The following UBASH3B variants were observed in gnomAD, a reference collection of about 807,000 sequenced individuals.
UBASH3B encodes the protein ubiquitin associated and SH3 domain containing B.
UBASH3B carries 37 observed loss-of-function variants against 83.4 expected under a neutral mutation model. That is an observed-to-expected ratio of 0.44 (90% confidence interval 0.34 to 0.58). The LOEUF (loss-of-function observed/expected upper bound fraction) is 0.58. UBASH3B is among the 20% of genes least tolerant of loss of function. The pLI is 0.01. For synonymous variants in UBASH3B, 304 were observed against 318.3 expected (o/e 0.96, Z 0.48); for missense variants, 657 against 827.2 (o/e 0.79, Z 2.52).
chr11:122,796,842 G>A (rs1271876472), intron 8 of UBASH3B, 69 bp from the exon 9 acceptor site: 1 of 1,608,990 alleles, frequency 6.2e-7, no homozygotes, highest in African/African-American at 1.3e-5. Flanking sequence ...GAGAGTGTCA[G>A]GATCAGTAAG....
chr11:122,749,759 G>A (rs1861172416), intron 1 of UBASH3B, among the ~76,000 whole-genome samples: 1 of 152,172 alleles, frequency 6.6e-6, no homozygotes, highest in African/African-American at 2.4e-5. Context: ...TTAAGACAGA[G>A]TCTCGCTCTG....
intron 1 of UBASH3B, among the ~76,000 whole-genome samples, chr11:122,704,246 T>C (rs955049): frequency 0.85 from 129,266 of 152,184 alleles, 55,148 homozygotes; most frequent in East Asian, 0.95. Context: ...TCACAGTCTC[T>C]TGAGTCTTCC....
chr11:122,710,633 A>G (rs980719349), intron 1 of UBASH3B, among the ~76,000 whole-genome samples: 1 of 152,178 alleles, frequency 6.6e-6, no homozygotes, highest in African/African-American at 2.4e-5. Flanking sequence ...TAATGCCGAT[A>G]TAGCCAAAAA....
intron 6 of UBASH3B, 43 bp from the exon 7 acceptor site, chr11:122,794,659 T>G (rs1341035682): frequency 6.2e-7 from 1 of 1,612,912 alleles, no homozygotes; most frequent in South Asian, 1.1e-5. Flanking sequence ...TGCTGATGAC[T>G]GCTGGCCAGA....
At chr11:122,794,018 G>A (rs1213988908) in intron 6 of UBASH3B, among the ~76,000 whole-genome samples, 1 of 152,148 alleles carries the variant, frequency 6.6e-6, no homozygotes, top group Non-Finnish European at 1.5e-5. Flanking sequence ...AACAGGGATC[G>A]TAGATTTCTT....
At chr11:122,704,516 C>CT (rs1000929827) in intron 1 of UBASH3B, among the ~76,000 whole-genome samples, 103 of 146,392 alleles carry the variant, frequency 7.0e-4, no homozygotes, top group Middle Eastern at 3.5e-3. Flanking sequence ...CTCTGGAAAT[C>CT]TTTTTTTTTT....
chr11:122,681,358 C>T (rs1361716747), intron 1 of UBASH3B, among the ~76,000 whole-genome samples: 1 of 152,186 alleles, frequency 6.6e-6, no homozygotes, highest in Non-Finnish European at 1.5e-5. Flanking sequence ...CCAGATTCCT[C>T]AGTCAAACAG....
At chr11:122,727,157 C>T (rs2135949409) in intron 1 of UBASH3B, among the ~76,000 whole-genome samples, 2 of 152,330 alleles carry the variant, frequency 1.3e-5, no homozygotes, top group Admixed American at 1.3e-4. Context: ...AAGCCGCGTC[C>T]TGCCGGGGAC....
intron 1 of UBASH3B, among the ~76,000 whole-genome samples, chr11:122,661,871 A>C (rs1863445187): frequency 6.7e-6 from 1 of 150,048 alleles, no homozygotes. Context: ...AAAAAAAAAA[A>C]AACAAAAAAA....
At chr11:122,709,949 G>A (rs962745873) in intron 1 of UBASH3B, among the ~76,000 whole-genome samples, 2 of 152,088 alleles carry the variant, frequency 1.3e-5, no homozygotes, top group African/African-American at 4.8e-5. Flanking sequence ...TTGAGGCCAG[G>A]AGTTCGAGAC....
At chr11:122,670,904 A>G (rs1591761979) in intron 1 of UBASH3B, among the ~76,000 whole-genome samples, 1 of 152,014 alleles carries the variant, frequency 6.6e-6, no homozygotes, top group African/African-American at 2.4e-5. Flanking sequence ...CTGAGATTAC[A>G]GACGTGCTCC....
intron 7 of UBASH3B, 109 bp downstream of exon 7, chr11:122,794,943 T>C: frequency 6.7e-7 from 1 of 1,491,888 alleles, no homozygotes; most frequent in Non-Finnish European, 9.1e-7. Flanking sequence ...TTCCACGATC[T>C]CTTGGGAAGA....
intron 1 of UBASH3B, chr11:122,775,949 C>G (rs1860725744): frequency 1.1e-5 from 4 of 377,560 alleles, no homozygotes; most frequent in Non-Finnish European, 1.4e-5. Flanking sequence ...AAATAAAACT[C>G]TAATGTGGAA....
intron 1 of UBASH3B, among the ~76,000 whole-genome samples, chr11:122,664,060 G>A (rs1055262096): frequency 5.3e-5 from 8 of 152,140 alleles, no homozygotes; most frequent in Non-Finnish European, 1.2e-4. Flanking sequence ...CCACTTTTAT[G>A]GTTCTCTGTT....
At chr11:122,753,172 T>C (rs948976749) in intron 1 of UBASH3B, among the ~76,000 whole-genome samples, 13 of 150,144 alleles carry the variant, frequency 8.7e-5, no homozygotes, top group African/African-American at 2.7e-4. Context: ...GGCCAGGTGC[T>C]GTGGCTCGCG....
At chr11:122,800,721 G>A (rs1228629127) in intron 10 of UBASH3B, among the ~76,000 whole-genome samples, 1 of 151,638 alleles carries the variant, frequency 6.6e-6, no homozygotes, top group East Asian at 2.0e-4. Context: ...TGATTCTCCT[G>A]CCTCAGCCTC....
chr11:122,714,148 AAGAC>A (rs1864235576), intron 1 of UBASH3B, among the ~76,000 whole-genome samples: 1 of 152,204 alleles, frequency 6.6e-6, no homozygotes, highest in Non-Finnish European at 1.5e-5. Context: ...AGGAAGCTGA[AAGAC>A]AGAACATCTG....
intron 1 of UBASH3B, among the ~76,000 whole-genome samples, chr11:122,699,927 C>T (rs910614947): frequency 1.3e-5 from 2 of 152,056 alleles, no homozygotes; most frequent in Admixed American, 6.6e-5. Flanking sequence ...TTAAGGTTTA[C>T]GTAAATATTA....
In UBASH3B at chr11:122,779,694, C is replaced by T. The variant is rs149002781; in HGVS notation, c.600C>T (p.Thr200=). 2.0e-4 allele frequency: 326 copies of T among 1,614,152 alleles called. 1 individual carries two copies. In the African/African-American group the frequency reaches 3.4e-3, roughly 17 times the overall value. The change falls in exon 4 of 14, where the codon ACC becomes ACT. Residue 200 remains threonine, a splice_region_variant and synonymous_variant. Coordinates refer to ENST00000284273, the MANE Select transcript of UBASH3B (RefSeq NM_032873.5). The stretch of plus-strand genomic sequence containing the variant: ...TTGCTGCAGAGGCTGCATCCAAAAC[C>T]GGTGAGCAAACAGCTGCCAGGCCAG... ...ADFAAEAASK[T]EVHVEPHKKQ... is the part of the protein sequence containing the mutation.
Sources: gnomAD v4.1 joint callset for allele counts (sites outside exome capture counted in the v4.1 genomes callset) on GRCh38, gnomAD v4.1.1 for gene constraint, MANE v1.5 for transcripts, NCBI Gene and HGNC (gene_info 2026-07-23, HGNC 2026-07-21) for gene names.